The following PAPPA2 variants were observed in gnomAD, a reference collection of about 807,000 sequenced individuals.
PAPPA2 encodes pappalysin-2.
In PAPPA2, 86 loss-of-function variants were observed where a neutral mutation model predicts 176.4. The ratio of observed to expected loss-of-function variants is 0.49; its 90% CI spans 0.41 to 0.58. The LOEUF (loss-of-function observed/expected upper bound fraction) is 0.58, where lower values mean the gene tolerates loss of function less well. PAPPA2 is among the 20% of genes least tolerant of loss of function. The pLI is 0.00. For synonymous variants in PAPPA2, 809 were observed against 852.2 expected (o/e 0.95, Z 0.88); for missense variants, 2,073 against 2,256.9 (o/e 0.92, Z 1.65).
intron 1 of PAPPA2, among the ~76,000 whole-genome samples, chr1:176,515,765 T>C (rs1455068070): frequency 6.6e-6 from 1 of 152,230 alleles, no homozygotes; most frequent in East Asian, 1.9e-4. Context: ...TCCTTACCAC[T>C]CCATCTTCCT....
At chr1:176,693,863 G>A (rs932136415) in intron 6 of PAPPA2, among the ~76,000 whole-genome samples, 3 of 152,198 alleles carry the variant, frequency 2.0e-5, no homozygotes, top group African/African-American at 4.8e-5. Flanking sequence ...CTCTGTGGGT[G>A]TGTGCAAACC....
intron 3 of PAPPA2, among the ~76,000 whole-genome samples, chr1:176,668,770 A>G (rs546181577): frequency 3.3e-5 from 5 of 152,310 alleles, no homozygotes; most frequent in Non-Finnish European, 7.3e-5. Context: ...TAGCTTTTTA[A>G]AATATATTCT....
At chr1:176,694,856 CA>C (rs930789408) in intron 6 of PAPPA2, among the ~76,000 whole-genome samples, 3 of 152,066 alleles carry the variant, frequency 2.0e-5, no homozygotes, top group African/African-American at 7.2e-5. Context: ...GGCTCACAGG[CA>C]AAAGAGAGGA....
At chr1:176,483,158 G>T (rs1295879807) in intron 1 of PAPPA2, among the ~76,000 whole-genome samples, 1 of 152,076 alleles carries the variant, frequency 6.6e-6, no homozygotes, top group Non-Finnish European at 1.5e-5. Context: ...GGGATTCCAG[G>T]TCCCCTACCT....
Position 176,601,083 on chromosome 1 carries a change from T to C in PAPPA2, c.1991+5488T>C, listed in dbSNP as rs968797657. On this transcript the variant is annotated intron_variant, in intron 3 of 22. Coordinates refer to ENST00000367662, the MANE Select transcript of PAPPA2 (RefSeq NM_020318.3). ...GTTGAGAGGTGAAAATGTTAAGAGA[T>C]ACTTAGGTCATGAGAGCTCTGCCCT... Among the ~76,000 whole-genome samples, 10 of 152,186 alleles carry C rather than the reference T, an allele frequency of 6.6e-5. No individual in the cohort carries two copies. The East Asian group carries it at 1.2e-3, about 18-fold the overall frequency.
At chr1:176,514,104 T>C (rs1316752905) in intron 1 of PAPPA2, among the ~76,000 whole-genome samples, 2 of 152,156 alleles carry the variant, frequency 1.3e-5, no homozygotes, top group East Asian at 3.8e-4. Flanking sequence ...GACTGGGTAA[T>C]TTATAAAGAA....
At chr1:176,471,808 G>C (rs539593007) in intron 1 of PAPPA2, among the ~76,000 whole-genome samples, 1 of 152,030 alleles carries the variant, frequency 6.6e-6, no homozygotes, top group African/African-American at 2.4e-5. Flanking sequence ...TTTGTTACTC[G>C]GGGCATTTGA....
Position 176,797,491 on chromosome 1 carries a change from T to A in PAPPA2, c.5131-2570T>A, listed in dbSNP as rs546087428. ...AGACCCTATCTCTATAAAATAAAAA[T>A]TTTTTAAAATTAGCCTGATATGATA... On this transcript the variant is annotated intron_variant, in intron 20 of 22. Coordinates refer to ENST00000367662, the MANE Select transcript of PAPPA2 (RefSeq NM_020318.3). Among the ~76,000 whole-genome samples, 303 of 152,026 alleles carry A rather than the reference T, an allele frequency of 2.0e-3. 1 individual carries two copies. The highest frequency in any genetic ancestry group is 6.2e-3 in the African/African-American group (256 of 41,490).
At chr1:176,815,458 T>A (rs1052864421) in intron 21 of PAPPA2, among the ~76,000 whole-genome samples, 1 of 152,088 alleles carries the variant, frequency 6.6e-6, no homozygotes, top group Non-Finnish European at 1.5e-5. Context: ...ATCACTTCAT[T>A]TTTGTTGTTG....
intron 21 of PAPPA2, among the ~76,000 whole-genome samples, chr1:176,838,356 A>G (rs956846942): frequency 6.6e-6 from 1 of 152,182 alleles, no homozygotes; most frequent in Non-Finnish European, 1.5e-5. Context: ...ATGTAAGAAA[A>G]GTATTTTGGG....
At chr1:176,716,598 CCTT>C (rs1351493970) in intron 12 of PAPPA2, among the ~76,000 whole-genome samples, 1 of 137,828 alleles carries the variant, frequency 7.3e-6, no homozygotes, top group Non-Finnish European at 1.5e-5. Context: ...ACAATTCCTT[CCTT>C]CTTTTTTTTT....
At chr1:176,626,956 C>A (rs900923617) in intron 3 of PAPPA2, among the ~76,000 whole-genome samples, 2 of 141,128 alleles carry the variant, frequency 1.4e-5, no homozygotes, top group African/African-American at 5.3e-5. Context: ...CTCCTGAGTT[C>A]AAGCGATCCT....
At chr1:176,534,867 A>G (rs1308772467) in intron 1 of PAPPA2, among the ~76,000 whole-genome samples, 1 of 152,188 alleles carries the variant, frequency 6.6e-6, no homozygotes, top group Non-Finnish European at 1.5e-5. Flanking sequence ...AAGGTTAGCA[A>G]ACAGTTGGAA....
chr1:176,618,959 G>A (rs1313580262), intron 3 of PAPPA2, among the ~76,000 whole-genome samples: 1 of 152,086 alleles, frequency 6.6e-6, no homozygotes, highest in South Asian at 2.1e-4. Context: ...AGAGACAAGA[G>A]AGGCCTCTTC....
chr1:176,542,920 A>G (rs758834676), intron 1 of PAPPA2, among the ~76,000 whole-genome samples: 11 of 152,196 alleles, frequency 7.2e-5, no homozygotes, highest in Non-Finnish European at 1.6e-4. Flanking sequence ...ACTCCTTTCC[A>G]ATATATTTAA....
chr1:176,470,685 C>T (rs1397491267), intron 1 of PAPPA2, among the ~76,000 whole-genome samples: 1 of 152,172 alleles, frequency 6.6e-6, no homozygotes, highest in African/African-American at 2.4e-5. Flanking sequence ...ACTCAACTCC[C>T]AGTGAAAACG....
intron 14 of PAPPA2, among the ~76,000 whole-genome samples, chr1:176,762,903 AT>A (rs1663762732): frequency 6.6e-6 from 1 of 152,156 alleles, no homozygotes; most frequent in African/African-American, 2.4e-5. Context: ...TTGTGAAAAC[AT>A]TTTCTTCACA....
At chr1:176,700,329 C>A (rs1027573750) in intron 8 of PAPPA2, among the ~76,000 whole-genome samples, 1 of 152,212 alleles carries the variant, frequency 6.6e-6, no homozygotes, top group African/African-American at 2.4e-5. Flanking sequence ...TTGGAGACTG[C>A]CCTGAGGGCA....
At chr1:176,821,899 C>G (rs148569073) in intron 21 of PAPPA2, among the ~76,000 whole-genome samples, 1 of 152,326 alleles carries the variant, frequency 6.6e-6, no homozygotes, top group Non-Finnish European at 1.5e-5. Flanking sequence ...TCGTTAAACA[C>G]ATTCACTCCA....
Sources: allele counts gnomAD v4.1 joint callset (sites outside exome capture counted in the v4.1 genomes callset), GRCh38; gene constraint gnomAD v4.1.1; transcripts MANE v1.5; gene names NCBI Gene and HGNC (gene_info 2026-07-23, HGNC 2026-07-21).